The following NME6 variants were observed in gnomAD, a reference collection of about 807,000 sequenced individuals.
NME6 encodes the protein nucleoside diphosphate kinase 6, mitochondrial.
NME6 carries 16 observed loss-of-function variants against 22.2 expected under a neutral mutation model. The ratio of observed to expected loss-of-function variants is 0.72; its 90% CI spans 0.49 to 1.09. NME6 has a LOEUF of 1.09. Ranked by LOEUF, NME6 falls within the 50% of genes least tolerant of loss-of-function variation. The probability of loss-of-function intolerance (pLI) is 0.00; values close to 1 mark genes in which losing one functional copy is unlikely to be tolerated. For synonymous variants in NME6, 58 were observed against 85.2 expected (o/e 0.68, Z 1.76); for missense variants, 229 against 239.0 (o/e 0.96, Z 0.28).
downstream of NME6, among the ~76,000 whole-genome samples, chr3:48,289,417 G>C (rs1007358557): frequency 4.6e-5 from 7 of 152,122 alleles, no homozygotes; most frequent in Non-Finnish European, 1.0e-4. Context: ...ATTGAGGGAG[G>C]GGGTGGATGG....
At position 48,296,832 on chromosome 3, in the gene NME6, G is replaced by T; in HGVS notation, c.91-3C>A. 1 of 1,604,304 alleles carries T rather than the reference G, an allele frequency of 6.2e-7. No homozygotes were observed. Among genetic ancestry groups the T allele is most frequent in the Non-Finnish European group, 8.5e-7 (1 of 1,172,960 alleles). ...CTTAGAATCTGCTGATGAACAGCCT[G>T]AATAAAGACCATCCCCAAAATAAAA... is the stretch of plus-strand genomic sequence containing the variant. On this transcript the variant is annotated splice_polypyrimidine_tract_variant and splice_region_variant and intron_variant, in intron 2 of 5. Coordinates refer to ENST00000442597, the MANE Select transcript of NME6 (RefSeq NM_001308426.2).
Position 48,294,653 on chromosome 3 carries a change from C to T in NME6, c.545G>A (p.Gly182Asp), listed in dbSNP as rs2034861549. ...AGACCTGCATCAGGCTGGTCCTAGG[C>T]CTCCTGTTCCAGCTACATAGTGGAC... Reference protein sequence around the residue: ...GGVHYVAGTGGLGPA With the variant: ...GGVHYVAGTGDLGPA Residue 182 changes from glycine to aspartate, a missense_variant, in exon 6 of 6, where the codon GGC (glycine) becomes GAC (aspartate). Physicochemically the swap from Gly to Asp is moderately conservative, Grantham distance 94 (BLOSUM62 -1). Transcript: ENST00000442597. 3.1e-6 allele frequency: 5 copies of T among 1,613,896 alleles called. No homozygotes were observed. The highest frequency in any genetic ancestry group is 1.7e-5 in the Admixed American group (1 of 60,000).
intron 5 of NME6, 96 bp from the exon 6 acceptor site, chr3:48,294,899 G>T: frequency 6.9e-7 from 1 of 1,441,986 alleles, no homozygotes; most frequent in Non-Finnish European, 9.5e-7. Context: ...TACTCTGCCT[G>T]CCCCTTCAGT....
Position 48,298,432 on chromosome 3 carries a change from G to C in NME6, c.85C>G (p.Leu29Val). ...GACTTAGGATTCATTCTTACCTCCA[G>C]AATCAGTGGATGGGCGACTGCGTCA... The part of the protein sequence containing the change: ...KPDAVAHPLI[L>V]EAVHQQILSN... Residue 29 changes from leucine to valine, a missense_variant, in exon 2 of 6, where the codon CTG (leucine) becomes GTG (valine). Physicochemically the swap from Leu to Val is conservative, Grantham distance 32 (BLOSUM62 1). Coordinates refer to ENST00000442597, the MANE Select transcript of NME6 (RefSeq NM_001308426.2). 3 of 1,613,944 alleles carry C rather than the reference G, an allele frequency of 1.9e-6. No individual in the cohort carries two copies. Among genetic ancestry groups the C allele is most frequent in the Non-Finnish European group, 2.5e-6 (3 of 1,179,822 alleles).
In NME6 at chr3:48,295,395, G is replaced by A; in HGVS notation, c.234-160C>T. 4 of 766,194 alleles carry A rather than the reference G, an allele frequency of 5.2e-6. No individual in the cohort carries two copies. The South Asian group carries it at 7.6e-5, about 15-fold the overall frequency. The allele number at this position is 766,194 out of a possible 1,614,324, so 47.5% of individuals were successfully genotyped here. A position where few individuals can be genotyped will look rare whatever the true frequency, so the allele number is the denominator to read the frequency against. Reference sequence around the variant, plus strand: ...TTCAAATAGGTGATGCAGGGCCCCTGCTGGTGTACATCAAGCCTGCAGAGA... The same window carrying A: ...TTCAAATAGGTGATGCAGGGCCCCTACTGGTGTACATCAAGCCTGCAGAGA... On this transcript the variant is annotated intron_variant, in intron 4 of 5. Coordinates refer to ENST00000442597, the MANE Select transcript of NME6 (RefSeq NM_001308426.2).
chr3:48,296,288 A>C, intron 3 of NME6, 130 bp from the exon 4 acceptor site: 1 of 1,331,830 alleles, frequency 7.5e-7, no homozygotes, highest in Non-Finnish European at 1.1e-6. Flanking sequence ...TTGGAGTCTG[A>C]CAAACCTGGG....
rs1338230782 is a variant in NME6 at position 48,301,336 on chromosome 3, T to C, written c.-8+17A>G. Reference sequence around the variant, plus strand: ...ATTCGGAGCCCCAGTGCAGCAGAAGTCCGGCTGCGGGTTCACCTTGTCCTC... The same window carrying C: ...ATTCGGAGCCCCAGTGCAGCAGAAGCCCGGCTGCGGGTTCACCTTGTCCTC... On this transcript the variant is annotated intron_variant, in intron 1 of 5. Coordinates refer to ENST00000442597, the MANE Select transcript of NME6 (RefSeq NM_001308426.2). 6 of 1,576,688 alleles carry C rather than the reference T, an allele frequency of 3.8e-6. No individual in the cohort carries two copies. Among genetic ancestry groups the C allele is most frequent in the Non-Finnish European group, 5.2e-6 (6 of 1,161,292 alleles).
chr3:48,288,114 C>T (rs556268363), downstream of NME6, among the ~76,000 whole-genome samples: 3 of 152,164 alleles, frequency 2.0e-5, no homozygotes, highest in East Asian at 5.8e-4. Context: ...AGCGTGGTGG[C>T]TCATGCCTGT....
At chr3:48,291,407 G>A (rs1338218079), downstream of NME6, 3 of 378,036 alleles carry the variant, frequency 7.9e-6, no homozygotes, top group Admixed American at 3.7e-5. Flanking sequence ...TTTTAAGACA[G>A]GGTCTCACTG....
At chr3:48,300,282 T>C (rs867588031) in intron 1 of NME6, 1 of 456,786 alleles carries the variant, frequency 2.2e-6, no homozygotes, top group Non-Finnish European at 4.4e-6. Context: ...CGTACCTCTC[T>C]AGCCTCATCT....
In NME6 at chr3:48,294,790, T is replaced by G. The variant is rs1194613845; in HGVS notation, c.408A>C (p.Ser136=). ...NTTHGSDSVV[S]ASREIAAFFP... is the part of the protein sequence containing the mutation. ...AGAAGGCTGCAATCTCTCTGCTGGC[T>G]GAAACCACAGAGTCTGTAAGGGGAG... The change falls in exon 6 of 6, where the codon TCA becomes TCC. Residue 136 remains serine, a synonymous_variant. Transcript: ENST00000442597. 1 of 1,613,964 alleles carries G rather than the reference T, an allele frequency of 6.2e-7. No individual in the cohort carries two copies. Among genetic ancestry groups the G allele is most frequent in the East Asian group, 2.2e-5 (1 of 44,892 alleles).
chr3:48,293,687 C>T lies in NME6; in HGVS notation c.*950G>A, dbSNP rs1422678703. The T allele has an allele frequency of 6.6e-6, 1 of 152,240 alleles. No homozygotes were observed. The highest frequency in any genetic ancestry group is 1.9e-4 in the East Asian group (1 of 5,198). The allele number at this position is 152,240 out of a possible 1,614,324, so 9.4% of individuals were successfully genotyped here. ...TTTATACCTCTGTTAGGGCACTTCT[C>T]CATCTCTGCCACGTTATAGCTGGCT... On this transcript the variant is annotated 3_prime_UTR_variant, in exon 6 of 6. Transcript: ENST00000442597.
intron 1 of NME6, chr3:48,300,148 C>T (rs1283511390): frequency 2.3e-6 from 1 of 432,584 alleles, no homozygotes; most frequent in Non-Finnish European, 4.6e-6. Context: ...CAAAGTGAAC[C>T]ACACATGAAA....
Position 48,294,357 on chromosome 3 carries a change from C to T in NME6, c.*280G>A, listed in dbSNP as rs1050349897. 14 of 300,510 alleles carry T rather than the reference C, an allele frequency of 4.7e-5. No homozygotes were observed. The highest frequency in any genetic ancestry group is 3.7e-4 in the South Asian group (6 of 16,184). The allele number at this position is 300,510 out of a possible 1,614,324, so 18.6% of individuals were successfully genotyped here. On this transcript the variant is annotated 3_prime_UTR_variant, in exon 6 of 6. Coordinates refer to ENST00000442597, the MANE Select transcript of NME6 (RefSeq NM_001308426.2). ...AAAGTGCTGGGATTATAGGCGTGAGCCACCGTGCCCGGCCTGGCAAGCTTC... is the reference window on the plus strand; with the variant it reads ...AAAGTGCTGGGATTATAGGCGTGAGTCACCGTGCCCGGCCTGGCAAGCTTC...
chr3:48,290,252 T>TA (rs537375330), downstream of NME6, among the ~76,000 whole-genome samples: 3 of 151,118 alleles, frequency 2.0e-5, no homozygotes, highest in Admixed American at 6.6e-5. Context: ...TTATTAAAAT[T>TA]AAAAAAAAAT....
Position 48,294,546 on chromosome 3 carries a change from G to T in NME6, c.*91C>A. ...GGTGGTGCCCAGCAGAAATGGCACT[G>T]TAAGCCAGGCTTCCCTGGTCCTAGG... On this transcript the variant is annotated 3_prime_UTR_variant, in exon 6 of 6. Transcript: ENST00000442597. 2 of 1,420,804 alleles carry T rather than the reference G, an allele frequency of 1.4e-6. No individual in the cohort carries two copies. The highest frequency in any genetic ancestry group is 1.9e-6 in the Non-Finnish European group (2 of 1,032,258). 88.0% of individuals were successfully genotyped at this position (1,420,804 alleles called of 1,614,324 possible). A position where few individuals can be genotyped will look rare whatever the true frequency, so the allele number is the denominator to read the frequency against.
intron 3 of NME6, 69 bp from the exon 4 acceptor site, chr3:48,296,227 A>G (rs745784812): frequency 2.5e-6 from 4 of 1,603,686 alleles, no homozygotes; most frequent in Non-Finnish European, 2.6e-6. Context: ...CTGTACTTCT[A>G]CCTCCTTACC....
intron 1 of NME6, among the ~76,000 whole-genome samples, chr3:48,299,418 G>A (rs1191846071): frequency 2.0e-5 from 3 of 152,044 alleles, no homozygotes; most frequent in Non-Finnish European, 4.4e-5. Context: ...ACCTCTGCAG[G>A]AGTAAAGACT....
At chr3:48,298,967 A>C (rs917673313) in intron 1 of NME6, 2 of 702,956 alleles carry the variant, frequency 2.8e-6, no homozygotes, top group African/African-American at 3.5e-5. Flanking sequence ...CTCTCCTATC[A>C]AATCTAGAAT....
Sources: gnomAD v4.1 joint callset for allele counts (sites outside exome capture counted in the v4.1 genomes callset) on GRCh38, gnomAD v4.1.1 for gene constraint, MANE v1.5 for transcripts, NCBI Gene and HGNC (gene_info 2026-07-23, HGNC 2026-07-21) for gene names.